GREB1: variants seen among roughly 807,000 people sequenced by gnomAD.
GREB1 encodes the protein protein GREB1.
A neutral mutation model predicts 200.7 loss-of-function variants in GREB1; 106 were observed. That is an observed-to-expected ratio of 0.53 (90% CI 0.45 to 0.62). The LOEUF is 0.62. Among genes scored for constraint, GREB1 ranks in the 20% least tolerant of loss-of-function variants. The probability of loss-of-function intolerance (pLI) is 0.00; values close to 1 mark genes in which losing one functional copy is unlikely to be tolerated. For missense variants in GREB1, 2,243 were observed against 2,556.8 expected (o/e 0.88, Z 2.65); for synonymous variants, 1,132 against 1,092.4 (o/e 1.04, Z -0.72).
chr2:11,590,700 C>A (rs1265751312), intron 10 of GREB1, among the ~76,000 whole-genome samples: 1 of 152,144 alleles, frequency 6.6e-6, no homozygotes, highest in African/African-American at 2.4e-5. Flanking sequence ...TCTCCCCCAG[C>A]TAGGGTGTAA....
chr2:11,586,013 C>T (rs71446418), intron 9 of GREB1, 108 bp downstream of exon 9: 2 of 1,156,958 alleles, frequency 1.7e-6, no homozygotes, highest in Admixed American at 3.8e-5. Context: ...GGGTATCCTC[C>T]TGAGACAAAC....
intron 4 of GREB1, among the ~76,000 whole-genome samples, chr2:11,571,533 G>A (rs192457044): frequency 5.3e-4 from 80 of 152,256 alleles, no homozygotes; most frequent in African/African-American, 1.8e-3. Context: ...GGATAACTCC[G>A]CTCTTTATAT....
At chr2:11,607,579 T>C (rs1303604058) in intron 17 of GREB1, among the ~76,000 whole-genome samples, 1 of 68,770 alleles carries the variant, frequency 1.5e-5, no homozygotes, top group African/African-American at 4.8e-5. Flanking sequence ...TATATACACA[T>C]ATATACATAT....
At chr2:11,599,438 C>A (rs1045409566) in intron 15 of GREB1, among the ~76,000 whole-genome samples, 1 of 150,566 alleles carries the variant, frequency 6.6e-6, no homozygotes, top group Non-Finnish European at 1.5e-5. Flanking sequence ...CTCCTGGGTT[C>A]ATGCCATTCT....
chr2:11,508,966 CCG>C (rs1344717696), intron 1 of GREB1, among the ~76,000 whole-genome samples: 1 of 151,146 alleles, frequency 6.6e-6, no homozygotes, highest in African/African-American at 2.4e-5. Flanking sequence ...GCTCCGCCTC[CCG>C]GGTTCACGCC....
Position 11,506,093 on chromosome 2 carries a change from A to C in GREB1, c.-159+23712A>C, listed in dbSNP as rs190173645. Among the ~76,000 whole-genome samples, 100 of 152,290 alleles carry C rather than the reference A, an allele frequency of 6.6e-4. 1 individual carries two copies. Among genetic ancestry groups the C allele is most frequent in the African/African-American group, 2.3e-3 (96 of 41,554 alleles). ...TTGCTACAACAAATATTTATTGAGC[A>C]CCTGCAGTATGTCAGGCACCAAGAA... On this transcript the variant is annotated intron_variant, in intron 1 of 2. Transcript: ENST00000628795.
rs1159095602 is a variant in GREB1, at chr2:11,625,292, A to C, written c.4286A>C (p.Tyr1429Ser). 2 of 1,614,222 alleles carry C rather than the reference A, an allele frequency of 1.2e-6. No homozygotes were observed. Among genetic ancestry groups the C allele is most frequent in the Admixed American group, 3.3e-5 (2 of 60,020 alleles). Residue 1429 changes from tyrosine to serine, a missense_variant, in exon 24 of 33, where the codon TAT becomes TCT. Tyr to Ser is a moderately radical substitution (Grantham distance 144). Coordinates refer to ENST00000381486, the MANE Select transcript of GREB1 (RefSeq NM_014668.4). ...YEDASLICSH[Y>S]QGIKSEDRGM... ...GATGCCAGCCTGATTTGTTCGCACT[A>C]TCAGGGTATAAAGAGTGAAGGTCAG...
Position 11,638,808 on chromosome 2 carries a change from A to T in GREB1, c.5685A>T (p.Lys1895Asn), listed in dbSNP as rs760240625. The change falls in exon 32 of 33, where the codon AAA becomes AAT. Residue 1895 changes from lysine (K) to asparagine (N), a missense_variant and splice_region_variant. Lys to Asn is a moderately conservative substitution (Grantham distance 94). Transcript: ENST00000381486. ...ASFLKKFHFL[K>N]GATLCVICQD... ...TTTTGAAAAAGTTTCATTTTCTGAA[A>T]GGTAACTTTTGTACTCTTAACTCTG... The T allele has an allele frequency of 6.2e-7, 1 of 1,614,008 alleles. No individual in the cohort carries two copies. Among genetic ancestry groups the T allele is most frequent in the Non-Finnish European group, 8.5e-7 (1 of 1,179,980 alleles).
chr2:11,578,987 C>T (rs1011402489), intron 6 of GREB1, among the ~76,000 whole-genome samples: 1 of 152,166 alleles, frequency 6.6e-6, no homozygotes, highest in African/African-American at 2.4e-5. Flanking sequence ...TGAACCCTGA[C>T]GTACATGCTT....
In GREB1 at chr2:11,596,757, C is replaced by T. The variant is rs1368361371; in HGVS notation, c.1954+518C>T. On this transcript the variant is annotated intron_variant, in intron 13 of 32. Transcript: ENST00000381486. Reference sequence around the variant, plus strand: ...TTTGTACAGTGAGAGGGGGTGGGGGCGCAGGTGTACACAGTGAGGGGGGTG... The same window carrying T: ...TTTGTACAGTGAGAGGGGGTGGGGGTGCAGGTGTACACAGTGAGGGGGGTG... Among the ~76,000 whole-genome samples, 9 of 64,868 alleles carry T rather than the reference C, an allele frequency of 1.4e-4. No individual in the cohort carries two copies. In the South Asian group the frequency reaches 2.2e-3, roughly 16 times the overall value. 42.6% of individuals were successfully genotyped at this position (64,868 alleles called of 152,430 possible). A position where few individuals can be genotyped will look rare whatever the true frequency, so the allele number is the denominator to read the frequency against.
intron 18 of GREB1, among the ~76,000 whole-genome samples, 180 bp downstream of exon 18, chr2:11,611,207 C>G (rs1317894528): frequency 6.6e-6 from 1 of 152,132 alleles, no homozygotes; most frequent in Non-Finnish European, 1.5e-5. Context: ...CCCAGCAGCA[C>G]CCCCACACCC....
At position 11,592,757 on chromosome 2, in the gene GREB1, C is replaced by T. The variant is rs115441317; in HGVS notation, c.1346-19C>T. ...CCGCTGGCATTTGTGGCAGGCCCTC[C>T]GCCCGCATTGTGTTGCAGCCGCGGA... is the stretch of plus-strand genomic sequence containing the variant. On this transcript the variant is annotated intron_variant, in intron 10 of 32. Transcript: ENST00000381486. 1.9e-3 allele frequency: 2,790 copies of T among 1,454,450 alleles called. 46 individuals carry two copies. In the African/African-American group the frequency reaches 0.037, roughly 19 times the overall value. The allele number at this position is 1,454,450 out of a possible 1,614,324, so 90.1% of individuals were successfully genotyped here. A position where few individuals can be genotyped will look rare whatever the true frequency, so the allele number is the denominator to read the frequency against.
intron 1 of GREB1, among the ~76,000 whole-genome samples, chr2:11,508,894 G>A (rs10167377): frequency 0.98 from 140,013 of 142,616 alleles, 68,727 homozygotes; most frequent in South Asian, 1. Flanking sequence ...TTTTTTTTCG[G>A]GACAGAGTCT....
chr2:11,609,280 T>TTATTTATC (rs1479902874), intron 17 of GREB1, among the ~76,000 whole-genome samples: 2 of 150,962 alleles, frequency 1.3e-5, no homozygotes, highest in African/African-American at 4.9e-5. Context: ...ATTTATTTAT[T>TTATTTATC]TAGAGATGGA....
intron 1 of GREB1, among the ~76,000 whole-genome samples, chr2:11,506,718 G>A (rs1673191514): frequency 6.6e-6 from 1 of 152,164 alleles, no homozygotes; most frequent in Non-Finnish European, 1.5e-5. Flanking sequence ...GAAGCTTGGG[G>A]AGGCTTGGGA....
intron 1 of GREB1, among the ~76,000 whole-genome samples, chr2:11,495,319 A>C (rs1005995492): frequency 6.6e-6 from 1 of 152,204 alleles, no homozygotes; most frequent in African/African-American, 2.4e-5. Context: ...CAGATGTGTA[A>C]ACTGAGGCTC....
intron 19 of GREB1, among the ~76,000 whole-genome samples, chr2:11,614,327 ATGTT>A (rs1400897513): frequency 6.6e-6 from 1 of 151,682 alleles, no homozygotes; most frequent in Admixed American, 6.6e-5. Flanking sequence ...GGGTTTTGCC[ATGTT>A]GGTTAGGCTG....
At chr2:11,547,163 G>A (rs1558524945) in intron 1 of GREB1, among the ~76,000 whole-genome samples, 1 of 151,822 alleles carries the variant, frequency 6.6e-6, no homozygotes, top group Non-Finnish European at 1.5e-5. Flanking sequence ...GGGCGATGTC[G>A]AACTCCTGAC....
intron 1 of GREB1, among the ~76,000 whole-genome samples, chr2:11,535,269 G>C (rs530191921): frequency 1.3e-5 from 2 of 152,300 alleles, no homozygotes; most frequent in South Asian, 4.1e-4. Flanking sequence ...TCCTGTGTCA[G>C]CTCCACATTC....
Sources: allele counts gnomAD v4.1 joint callset (sites outside exome capture counted in the v4.1 genomes callset), GRCh38; gene constraint gnomAD v4.1.1; transcripts MANE v1.5; gene names NCBI Gene and HGNC (gene_info 2026-07-23, HGNC 2026-07-21).